The following KIF21A variants were observed in gnomAD, a reference collection of about 807,000 sequenced individuals.
KIF21A encodes the protein kinesin-like protein KIF21A.
Under a neutral mutation model 202.9 loss-of-function variants are expected in KIF21A, and 114 were observed. The ratio of observed to expected loss-of-function variants is 0.56; its 90% CI spans 0.48 to 0.66. The LOEUF is 0.66. Ranked by LOEUF, KIF21A falls within the 30% of genes least tolerant of loss-of-function variation. The pLI is 0.00. For missense variants in KIF21A, 1,677 were observed against 1,994.9 expected (o/e 0.84, Z 3.04); for synonymous variants, 667 against 670.8 (o/e 0.99, Z 0.09).
chr12:39,355,819 C>T (rs1173927090), intron 10 of KIF21A, among the ~76,000 whole-genome samples: 1 of 150,408 alleles, frequency 6.6e-6, no homozygotes. Flanking sequence ...ATTGCCACAT[C>T]GGGATGTGTT....
Position 39,320,032 on chromosome 12 carries a change from C to T in KIF21A, c.3672-19G>A. The stretch of plus-strand genomic sequence containing the variant: ...CCTGGAACTAAAGTAAAAGAAGATT[C>T]TTTAATTACCTAATTCTAAATTTGC... On this transcript the variant is annotated intron_variant, in intron 27 of 37. Coordinates refer to ENST00000361418, the MANE Select transcript of KIF21A (RefSeq NM_001173464.2). 1 of 1,372,900 alleles carries T rather than the reference C, an allele frequency of 7.3e-7. No homozygotes were observed. Among genetic ancestry groups the T allele is most frequent in the South Asian group, 1.2e-5 (1 of 83,936 alleles). The allele number at this position is 1,372,900 out of a possible 1,614,324, so 85.0% of individuals were successfully genotyped here. A position where few individuals can be genotyped will look rare whatever the true frequency, so the allele number is the denominator to read the frequency against.
intron 7 of KIF21A, among the ~76,000 whole-genome samples, chr12:39,361,468 A>C (rs1192275365): frequency 6.6e-6 from 1 of 152,078 alleles, no homozygotes; most frequent in African/African-American, 2.4e-5. Flanking sequence ...TAGTACATAA[A>C]AGGAAGAAAC....
At chr12:39,358,517 A>G (rs1948966244) in intron 7 of KIF21A, 144 bp from the exon 8 acceptor site, 1 of 724,108 alleles carries the variant, frequency 1.4e-6, no homozygotes, top group East Asian at 2.7e-5. Flanking sequence ...CCTGTACTTG[A>G]AGACTATCTT....
At chr12:39,336,708 T>A (rs1360946537) in intron 17 of KIF21A, among the ~76,000 whole-genome samples, 1 of 152,170 alleles carries the variant, frequency 6.6e-6, no homozygotes, top group Admixed American at 6.5e-5. Context: ...TAAGGGCTGG[T>A]TGTTAACTCT....
At chr12:39,348,429 A>G (rs1051388843) in intron 11 of KIF21A, among the ~76,000 whole-genome samples, 6 of 152,218 alleles carry the variant, frequency 3.9e-5, no homozygotes, top group Non-Finnish European at 5.9e-5. Flanking sequence ...GCAAACCTTA[A>G]AACCTCACAT....
chr12:39,434,517 C>G (rs1309727830), intron 1 of KIF21A, among the ~76,000 whole-genome samples: 1 of 152,204 alleles, frequency 6.6e-6, no homozygotes, highest in Non-Finnish European at 1.5e-5. Flanking sequence ...ACATGGTTGT[C>G]TCGTGATCCT....
rs374750552 is a variant in KIF21A at position 39,330,189 on chromosome 12, A to G, written c.3340+53T>C. On this transcript the variant is annotated intron_variant, in intron 24 of 37. Transcript: ENST00000361418. Reference sequence around the variant, plus strand: ...GATGTACCACAATTAGTGTACATGAACAATTAGTAATTCATGCAGCTGTAG... The same window carrying G: ...GATGTACCACAATTAGTGTACATGAGCAATTAGTAATTCATGCAGCTGTAG... 4.6e-6 allele frequency: 7 copies of G among 1,518,072 alleles called. No individual in the cohort carries two copies. In the African/African-American group the frequency reaches 8.2e-5, roughly 18 times the overall value. The allele number at this position is 1,518,072 out of a possible 1,614,324, so 94.0% of individuals were successfully genotyped here.
chr12:39,379,584 CA>C (rs1043595736), intron 1 of KIF21A, among the ~76,000 whole-genome samples: 6 of 152,154 alleles, frequency 3.9e-5, no homozygotes, highest in African/African-American at 1.4e-4. Flanking sequence ...CCATGGGCGT[CA>C]AAAATGGGCT....
At chr12:39,425,932 T>TAAAAAAA (rs1016584377) in intron 1 of KIF21A, among the ~76,000 whole-genome samples, 3 of 53,304 alleles carry the variant, frequency 5.6e-5, no homozygotes, top group East Asian at 4.6e-4. Flanking sequence ...GATTAGAAAC[T>TAAAAAAA]AAAAAAAAAA....
intron 1 of KIF21A, among the ~76,000 whole-genome samples, chr12:39,437,587 T>C (rs904157872): frequency 3.9e-5 from 6 of 152,188 alleles, no homozygotes; most frequent in Non-Finnish European, 7.4e-5. Flanking sequence ...AAAAACGTCA[T>C]TGAGAAAAAT....
At chr12:39,332,511 A>G (rs975168678) in intron 20 of KIF21A, 80 bp downstream of exon 20, 4 of 1,505,462 alleles carry the variant, frequency 2.7e-6, no homozygotes, top group Non-Finnish European at 3.6e-6. Context: ...TAAGTGTTAA[A>G]TTTACCCAGG....
intron 1 of KIF21A, among the ~76,000 whole-genome samples, chr12:39,407,468 C>T (rs1952686916): frequency 6.6e-6 from 1 of 152,154 alleles, no homozygotes; most frequent in South Asian, 2.1e-4. Context: ...CTGTCAAAGA[C>T]ATTAACAACT....
rs766911403 is a variant in KIF21A at position 39,342,021 on chromosome 12, C to T, written c.1803+13G>A. 4 of 1,574,734 alleles carry T rather than the reference C, an allele frequency of 2.5e-6. No homozygotes were observed. The highest frequency in any genetic ancestry group is 3.5e-6 in the Non-Finnish European group (4 of 1,145,134). On this transcript the variant is annotated intron_variant, in intron 13 of 37. Transcript: ENST00000361418. The stretch of plus-strand genomic sequence containing the variant: ...GGTGACTAAAACTGACAAGTTCATT[C>T]TTTCATACTTACCACTTCTAATTCA...
intron 17 of KIF21A, among the ~76,000 whole-genome samples, chr12:39,334,395 G>T (rs1946780620): frequency 6.6e-6 from 1 of 151,950 alleles, no homozygotes; most frequent in Non-Finnish European, 1.5e-5. Context: ...CTCGTGTTTT[G>T]CATTCAAATT....
At chr12:39,378,616 T>C (rs1433812731) in intron 1 of KIF21A, among the ~76,000 whole-genome samples, 1 of 152,188 alleles carries the variant, frequency 6.6e-6, no homozygotes, top group East Asian at 1.9e-4. Flanking sequence ...TGGCTGTATG[T>C]GGTGGCCTAT....
chr12:39,400,386 T>G (rs539877500), intron 1 of KIF21A, among the ~76,000 whole-genome samples: 1 of 152,246 alleles, frequency 6.6e-6, no homozygotes, highest in South Asian at 2.1e-4. Context: ...ACCCATCACC[T>G]AGGTATTAAG....
chr12:39,392,242 A>C (rs1311481346), intron 1 of KIF21A, among the ~76,000 whole-genome samples: 1 of 152,210 alleles, frequency 6.6e-6, no homozygotes. Context: ...TTTTCATGAA[A>C]GAGTGACAAG....
At chr12:39,343,726 ATTT>A (rs1947646825) in intron 12 of KIF21A, among the ~76,000 whole-genome samples, 1 of 152,110 alleles carries the variant, frequency 6.6e-6, no homozygotes, top group Non-Finnish European at 1.5e-5. Context: ...TTATGTTATT[ATTT>A]ATTTAGTGTC....
chr12:39,327,014 A>C (rs1170539670), intron 24 of KIF21A, among the ~76,000 whole-genome samples: 1 of 152,216 alleles, frequency 6.6e-6, no homozygotes, highest in Non-Finnish European at 1.5e-5. Flanking sequence ...TAAAACTGTT[A>C]GGAAGTCAGT....
Sources: gnomAD v4.1 joint callset for allele counts (sites outside exome capture counted in the v4.1 genomes callset) on GRCh38, gnomAD v4.1.1 for gene constraint, MANE v1.5 for transcripts, NCBI Gene and HGNC (gene_info 2026-07-23, HGNC 2026-07-21) for gene names.